Variants in GIT2 observed in about 807,000 individuals in gnomAD.
The protein encoded by GIT2 is ARF GTPase-activating protein GIT2.
Under a neutral mutation model 100.3 loss-of-function variants are expected in GIT2, and 32 were observed. The ratio of observed to expected loss-of-function variants is 0.32; its 90% confidence interval spans 0.24 to 0.43. The LOEUF is 0.43. Among genes scored for constraint, GIT2 ranks in the 20% least tolerant of loss-of-function variants. The pLI is 1.00. For missense variants in GIT2, 737 were observed against 975.1 expected, an observed-to-expected ratio of 0.76 and a Z score of 3.25; for synonymous variants, 353 against 364.1, an observed-to-expected ratio of 0.97 and a Z score of 0.35.
chr12:109,984,389 G>A (rs1324469941), intron 4 of GIT2, among the ~76,000 whole-genome samples: 1 of 151,906 alleles, frequency 6.6e-6, no homozygotes, highest in Non-Finnish European at 1.5e-5. Context: ...TCCAGCCTTG[G>A]TGACAGAGCG....
At chr12:109,961,052 T>C (rs1229163223) in intron 11 of GIT2, among the ~76,000 whole-genome samples, 2 of 152,234 alleles carry the variant, frequency 1.3e-5, no homozygotes, top group African/African-American at 4.8e-5. Context: ...TTCTTCACAT[T>C]TGTAAGCCAT....
chr12:109,985,403 T>A (rs76418740), intron 4 of GIT2, among the ~76,000 whole-genome samples: 1 of 152,100 alleles, frequency 6.6e-6, no homozygotes, highest in Admixed American at 6.5e-5. Context: ...AGCCAGATTC[T>A]GCTGGGGATT....
At chr12:109,983,329 C>T (rs1886692269) in intron 6 of GIT2, 44 bp downstream of exon 6, 1 of 1,593,576 alleles carries the variant, frequency 6.3e-7, no homozygotes, top group Non-Finnish European at 8.6e-7. Flanking sequence ...TCACACCCAA[C>T]AAAAAAATCC....
chr12:109,994,235 G>A (rs1288362761), intron 1 of GIT2, among the ~76,000 whole-genome samples: 3 of 152,140 alleles, frequency 2.0e-5, no homozygotes, highest in Non-Finnish European at 4.4e-5. Context: ...GAATCCCATG[G>A]AAAGAATATT....
intron 4 of GIT2, among the ~76,000 whole-genome samples, chr12:109,987,444 C>T (rs1291202393): frequency 6.6e-6 from 1 of 151,902 alleles, no homozygotes. Flanking sequence ...GCAAAAACCA[C>T]ATGATCATCT....
At chr12:109,973,857 C>G (rs187300879) in intron 7 of GIT2, among the ~76,000 whole-genome samples, 2 of 152,002 alleles carry the variant, frequency 1.3e-5, no homozygotes, top group East Asian at 3.9e-4. Flanking sequence ...GCCTGGCCAA[C>G]ATGGTAAAAC....
At chr12:109,977,293 T>C (rs973196552) in intron 7 of GIT2, among the ~76,000 whole-genome samples, 1 of 152,108 alleles carries the variant, frequency 6.6e-6, no homozygotes, top group Non-Finnish European at 1.5e-5. Context: ...GGTGGATTAC[T>C]TGAGCTCAGG....
rs1391166894 is a variant in GIT2 at position 109,960,818 on chromosome 12, T to C, written c.987+460A>G. ...CATATTCTCAAATGAGAAATTCCCA[T>C]GTAAAAGGATGTACTTAATTTTGAG... On this transcript the variant is annotated intron_variant, in intron 11 of 19. Transcript: ENST00000355312. Among the ~76,000 whole-genome samples, 4 of 152,216 alleles carry C rather than the reference T, an allele frequency of 2.6e-5. No homozygotes were observed. In the East Asian group the frequency reaches 7.7e-4, roughly 29 times the overall value.
At position 109,947,818 on chromosome 12, in the gene GIT2, G is replaced by A. The variant is rs1876751572; in HGVS notation, c.1393-314C>T. On this transcript the variant is annotated intron_variant, in intron 14 of 19. Coordinates refer to ENST00000355312, the MANE Select transcript of GIT2 (RefSeq NM_057169.5). The surrounding 1 kb of genome is among the most constrained non-coding windows in gnomAD (Gnocchi z 4.3). Reference sequence around the variant, plus strand: ...TGGTGGGGCTGGGAAATGTTTGCAGGCAAGCTGTACACTGGATTATTACTA... The same window carrying A: ...TGGTGGGGCTGGGAAATGTTTGCAGACAAGCTGTACACTGGATTATTACTA... 6.2e-6 allele frequency: 2 copies of A among 320,472 alleles called. No homozygotes were observed. Among genetic ancestry groups the A allele is most frequent in the Non-Finnish European group, 1.2e-5 (2 of 169,158 alleles). 19.9% of individuals were successfully genotyped at this position (320,472 alleles called of 1,614,324 possible).
Position 109,947,183 on chromosome 12 carries a change from T to C in GIT2, c.1641+73A>G, listed in dbSNP as rs536479449. On this transcript the variant is annotated intron_variant, in intron 15 of 19. Coordinates refer to ENST00000355312, the MANE Select transcript of GIT2 (RefSeq NM_057169.5). The surrounding 1 kb of genome is among the most constrained non-coding windows in gnomAD (Gnocchi z 4.3). ...GGCAAAGCAGAGCTGTGGGGACCTG[T>C]AGGTTCAGAAGAGGGAACAGAGTAG... 65 of 1,450,456 alleles carry C rather than the reference T, an allele frequency of 4.5e-5. No individual in the cohort carries two copies. In the Middle Eastern group the frequency reaches 1.7e-3, roughly 39 times the overall value. The allele number at this position is 1,450,456 out of a possible 1,614,324, so 89.8% of individuals were successfully genotyped here. A position where few individuals can be genotyped will look rare whatever the true frequency, so the allele number is the denominator to read the frequency against.
At chr12:109,939,048 T>C in intron 17 of GIT2, 117 bp downstream of exon 17, 1 of 687,266 alleles carries the variant, frequency 1.5e-6, no homozygotes, top group Non-Finnish European at 2.7e-6. Flanking sequence ...TAAGACTTTA[T>C]GAGTCTGAAA....
At position 109,931,656 on chromosome 12, in the gene GIT2, TC is replaced by T. The variant is rs1422359574; in HGVS notation, c.*1321del. 2 of 152,298 alleles carry T rather than the reference TC, an allele frequency of 1.3e-5. No individual in the cohort carries two copies. The highest frequency in any genetic ancestry group is 2.9e-5 in the Non-Finnish European group (2 of 68,118). 9.4% of individuals were successfully genotyped at this position (152,298 alleles called of 1,614,324 possible). On this transcript the variant is annotated 3_prime_UTR_variant, in exon 20 of 20. Transcript: ENST00000355312. Reference sequence around the variant, plus strand: ...TCTGCCCTGCTGCCGTGTACCTGGCTCCCTTCACTCATCCACATCACCGGCC... The same window carrying T: ...TCTGCCCTGCTGCCGTGTACCTGGCTCCTTCACTCATCCACATCACCGGCC...
intron 14 of GIT2, among the ~76,000 whole-genome samples, chr12:109,950,413 A>G (rs1007571324): frequency 1.3e-5 from 2 of 152,250 alleles, no homozygotes; most frequent in African/African-American, 4.8e-5. Context: ...CCACAAAGTC[A>G]TGGGCAAAAT....
At chr12:109,952,497 C>A (rs1233058227) in intron 13 of GIT2, 1 of 518,854 alleles carries the variant, frequency 1.9e-6, no homozygotes. Context: ...CACTCTCTTC[C>A]GTCGGGTGTC....
chr12:109,945,085 G>A (rs548559754), intron 16 of GIT2, among the ~76,000 whole-genome samples, 175 bp downstream of exon 16: 21 of 152,302 alleles, frequency 1.4e-4, no homozygotes, highest in African/African-American at 3.6e-4. Flanking sequence ...CTCGATGGGT[G>A]AGCGTGCATG....
At position 109,947,338 on chromosome 12, in the gene GIT2, G is replaced by C; in HGVS notation, c.1559C>G (p.Ser520Ter). ...CATTGGGAGATATGGTTTCTGACCT[G>C]ATCCGGTCTCGTACATGGACATGGG... ...SRPMSMYETG[S>*]GQKPYLPMGE... Residue 520 changes from serine (S) to a stop codon, truncating the protein, a stop_gained, in exon 15 of 20, where the codon TCA (serine) becomes TGA (stop). Coordinates refer to ENST00000355312, the MANE Select transcript of GIT2 (RefSeq NM_057169.5). LOFTEE classifies it high-confidence loss of function. This position sits in a 1 kb window ranked among gnomAD's most constrained non-coding sequence, Gnocchi z 4.3. 6.2e-7 allele frequency: 1 copy of C among 1,614,086 alleles called. No individual in the cohort carries two copies. Among genetic ancestry groups the C allele is most frequent in the Non-Finnish European group, 8.5e-7 (1 of 1,179,906 alleles).
At chr12:109,942,329 TTTTA>T (rs1030549150) in intron 16 of GIT2, among the ~76,000 whole-genome samples, 69 of 152,266 alleles carry the variant, frequency 4.5e-4, no homozygotes, top group African/African-American at 1.6e-3. Context: ...AATGAATCTT[TTTTA>T]TTTATTTATC....
intron 13 of GIT2, chr12:109,952,712 ACTCC>A (rs1352842253): frequency 2.1e-6 from 1 of 487,480 alleles, no homozygotes; most frequent in Admixed American, 2.1e-5. Flanking sequence ...CTCTCTGCTC[ACTCC>A]CTCAGCCTGT....
chr12:109,984,931 C>T (rs1887042376), intron 4 of GIT2, among the ~76,000 whole-genome samples: 1 of 152,080 alleles, frequency 6.6e-6, no homozygotes, highest in Non-Finnish European at 1.5e-5. Flanking sequence ...TTATTCTTGG[C>T]CTGTATAATA....
Sources: gnomAD v4.1 joint callset for allele counts (sites outside exome capture counted in the v4.1 genomes callset) on GRCh38, gnomAD v4.1.1 for gene constraint, Gnocchi (gnomAD v3.1) non-coding constraint, MANE v1.5 for transcripts, NCBI Gene and HGNC (gene_info 2026-07-23, HGNC 2026-07-21) for gene names.